DLG2: variants seen among roughly 807,000 people sequenced by gnomAD.
The protein encoded by DLG2 is discs large MAGUK scaffold protein 2.
In DLG2, 45 loss-of-function variants were observed where a neutral mutation model predicts 132.5. The observed-to-expected ratio is 0.34, with a 90% CI of 0.27 to 0.44. The LOEUF (loss-of-function observed/expected upper bound fraction) is 0.44, where lower values mean the gene tolerates loss of function less well. DLG2 is among the 20% of genes least tolerant of loss of function. The pLI is 1.00. For synonymous variants in DLG2, 424 were observed against 419.6 expected, an observed-to-expected ratio of 1.01 and a Z score of -0.13; for missense variants, 1,045 against 1,196.9, an observed-to-expected ratio of 0.87 and a Z score of 1.87.
intron 6 of DLG2, among the ~76,000 whole-genome samples, chr11:84,807,820 A>G (rs2076164125): frequency 6.6e-6 from 1 of 152,222 alleles, no homozygotes; most frequent in East Asian, 1.9e-4. Context: ...CTTTACATGT[A>G]TGTACAAATA....
chr11:84,388,479 G>T (rs1176888208), intron 7 of DLG2, among the ~76,000 whole-genome samples: 1 of 151,898 alleles, frequency 6.6e-6, no homozygotes, highest in Non-Finnish European at 1.5e-5. Flanking sequence ...GGGCTGGATG[G>T]GCTGTTTTCT....
chr11:84,885,936 A>G (rs960583067), intron 6 of DLG2, among the ~76,000 whole-genome samples: 7 of 152,136 alleles, frequency 4.6e-5, no homozygotes, highest in African/African-American at 1.7e-4. Context: ...TCAATTAAAT[A>G]AGCTCCACAA....
intron 7 of DLG2, among the ~76,000 whole-genome samples, chr11:84,259,506 G>A (rs867110303): frequency 1.3e-5 from 2 of 152,024 alleles, no homozygotes; most frequent in African/African-American, 2.4e-5. Flanking sequence ...ACTGAGACAC[G>A]AACAGTGCTG....
In DLG2 at chr11:84,308,742, TG is replaced by T. The variant is rs760934479; in HGVS notation, c.520-57452del. ...CGCAGCGCCGGTGGGCCGGCACTGC[TG>T]GGGGACCCAGTACACCCTCCGCAGC... is the stretch of plus-strand genomic sequence containing the variant. On this transcript the variant is annotated intron_variant, in intron 7 of 27. Coordinates refer to ENST00000376104, the MANE Select transcript of DLG2 (RefSeq NM_001142699.3). Among the ~76,000 whole-genome samples the T allele has an allele frequency of 7.9e-5, 12 of 152,150 alleles. No individual in the cohort carries two copies. In the East Asian group the frequency reaches 2.1e-3, roughly 27 times the overall value.
chr11:83,712,355 G>T (rs547370820), intron 18 of DLG2, among the ~76,000 whole-genome samples: 1 of 152,094 alleles, frequency 6.6e-6, no homozygotes, highest in African/African-American at 2.4e-5. Flanking sequence ...TTTGCCGGGC[G>T]TGGTGGCTTA....
At chr11:83,811,226 A>G (rs147739479) in intron 17 of DLG2, among the ~76,000 whole-genome samples, 2 of 152,220 alleles carry the variant, frequency 1.3e-5, no homozygotes, top group East Asian at 1.9e-4. Flanking sequence ...TGCTTTTACT[A>G]TGGGAAATTG....
At chr11:83,978,437 A>G (rs1174591981) in intron 12 of DLG2, among the ~76,000 whole-genome samples, 1 of 152,090 alleles carries the variant, frequency 6.6e-6, no homozygotes, top group African/African-American at 2.4e-5. Flanking sequence ...TCTATTCCCA[A>G]GACAACATTT....
intron 6 of DLG2, among the ~76,000 whole-genome samples, chr11:84,955,180 T>G (rs1247907958): frequency 6.6e-6 from 1 of 152,246 alleles, no homozygotes; most frequent in Non-Finnish European, 1.5e-5. Context: ...TGTTTTACAT[T>G]GCAGTATTTT....
chr11:84,802,244 A>G (rs2075481057), intron 6 of DLG2, among the ~76,000 whole-genome samples: 1 of 152,274 alleles, frequency 6.6e-6, no homozygotes, highest in African/African-American at 2.4e-5. Flanking sequence ...CAAAGAAAAT[A>G]ATAGGAAATT....
intron 3 of DLG2, among the ~76,000 whole-genome samples, chr11:85,544,655 T>A (rs56073783): frequency 0.16 from 24,382 of 152,140 alleles, 2,457 homozygotes; most frequent in East Asian, 0.28. Flanking sequence ...GATTGTGTCC[T>A]CTTTTATTTC....
At chr11:83,657,923 CA>C (rs2073155475) in intron 18 of DLG2, among the ~76,000 whole-genome samples, 1 of 152,188 alleles carries the variant, frequency 6.6e-6, no homozygotes, top group East Asian at 1.9e-4. Flanking sequence ...AAAATAGACT[CA>C]GATTTCTTTC....
chr11:85,455,024 T>G (rs948647893), intron 3 of DLG2, among the ~76,000 whole-genome samples: 3 of 152,192 alleles, frequency 2.0e-5, no homozygotes, highest in Non-Finnish European at 4.4e-5. Context: ...TGGCTCTACA[T>G]AAATTTTAGA....
chr11:84,406,498 G>A (rs1400315962), intron 7 of DLG2, among the ~76,000 whole-genome samples: 1 of 151,990 alleles, frequency 6.6e-6, no homozygotes, highest in Non-Finnish European at 1.5e-5. Context: ...TTTGTATTTT[G>A]TGTATTTTAT....
chr11:84,809,834 TG>T (rs1301691632), intron 6 of DLG2, among the ~76,000 whole-genome samples: 1 of 151,986 alleles, frequency 6.6e-6, no homozygotes, highest in Non-Finnish European at 1.5e-5. Context: ...TCATTCCACC[TG>T]ATTTCAACAC....
intron 15 of DLG2, among the ~76,000 whole-genome samples, chr11:83,912,142 AT>A (rs1279915681): frequency 2.2e-5 from 3 of 136,474 alleles, no homozygotes; most frequent in African/African-American, 8.4e-5. Flanking sequence ...AAAGAAAAAA[AT>A]AAAAATGTCA....
intron 3 of DLG2, among the ~76,000 whole-genome samples, chr11:85,399,752 C>T (rs886520848): frequency 2.5e-4 from 38 of 152,240 alleles, no homozygotes; most frequent in African/African-American, 9.1e-4. Flanking sequence ...AACTGGATCC[C>T]CTCCTTACAC....
chr11:85,389,982 G>C (rs1565418704), intron 3 of DLG2, among the ~76,000 whole-genome samples: 1 of 152,024 alleles, frequency 6.6e-6, no homozygotes, highest in Non-Finnish European at 1.5e-5. Flanking sequence ...CAAACAGTAT[G>C]ATGAATAGAA....
At chr11:84,536,044 C>T (rs1175444336) in intron 6 of DLG2, among the ~76,000 whole-genome samples, 19 of 151,920 alleles carry the variant, frequency 1.3e-4, no homozygotes, top group Admixed American at 1.2e-3. Context: ...GTAATTCAAT[C>T]TGTTGTTCAC....
chr11:84,770,108 C>A (rs769663228), intron 6 of DLG2, among the ~76,000 whole-genome samples: 8 of 152,056 alleles, frequency 5.3e-5, no homozygotes, highest in African/African-American at 1.4e-4. Context: ...CAAGTGAGTT[C>A]TTGCAAGATC....
Sources: allele counts gnomAD v4.1 joint callset (sites outside exome capture counted in the v4.1 genomes callset), GRCh38; gene constraint gnomAD v4.1.1; transcripts MANE v1.5; gene names NCBI Gene and HGNC (gene_info 2026-07-23, HGNC 2026-07-21).